The following BHMT2 variants were observed in gnomAD, a reference collection of about 807,000 sequenced individuals.
The protein encoded by BHMT2 is betaine--homocysteine S-methyltransferase 2.
In BHMT2, 28 loss-of-function variants were observed where a neutral mutation model predicts 39.0. The ratio of observed to expected loss-of-function variants is 0.72; its 90% confidence interval spans 0.53 to 0.98. The LOEUF is 0.98. Ranked by LOEUF, BHMT2 falls within the 50% of genes least tolerant of loss-of-function variation. BHMT2 has a pLI of 0.00. For synonymous variants in BHMT2, 145 were observed against 160.6 expected, an observed-to-expected ratio of 0.90 and a Z score of 0.74; for missense variants, 410 against 455.6, an observed-to-expected ratio of 0.90 and a Z score of 0.91.
chr5:79,082,303 C>T (rs569162869), intron 4 of BHMT2: 8 of 153,752 alleles, frequency 5.2e-5, no homozygotes, highest in Admixed American at 5.2e-4. Flanking sequence ...GTGCCTCAAT[C>T]TTCTCACCCG....
chr5:79,080,660 A>G (rs773012136), intron 3 of BHMT2, 27 bp from the exon 4 acceptor site: 29 of 1,557,542 alleles, frequency 1.9e-5, no homozygotes, highest in South Asian at 1.2e-4. Flanking sequence ...TAGGCTCACT[A>G]TCTGAACTCT....
At chr5:79,078,484 C>T (rs1028345668) in intron 2 of BHMT2, among the ~76,000 whole-genome samples, 3 of 152,202 alleles carry the variant, frequency 2.0e-5, no homozygotes, top group Admixed American at 6.5e-5. Context: ...ATTCACACAG[C>T]GTATCAGATA....
intron 1 of BHMT2, among the ~76,000 whole-genome samples, chr5:79,070,609 G>A (rs1199346778): frequency 3.3e-5 from 5 of 152,298 alleles, no homozygotes; most frequent in Non-Finnish European, 5.9e-5. Flanking sequence ...TTCAGAATGG[G>A]AGGAAGGGAG....
At chr5:79,087,232 C>G (rs1435971293) in intron 7 of BHMT2, among the ~76,000 whole-genome samples, 2 of 151,492 alleles carry the variant, frequency 1.3e-5, no homozygotes, top group African/African-American at 4.8e-5. Context: ...TGCAAATTTA[C>G]TTAGGTTGTA....
chr5:79,082,805 T>G lies in BHMT2; in HGVS notation c.451-4T>G, dbSNP rs750765636. ...ACCAGTAGAAAAAGTGACATTTCTC[T>G]TAGTATTTTGAGCACGTTGAAGAAG... On this transcript the variant is annotated splice_polypyrimidine_tract_variant and splice_region_variant and intron_variant, in intron 4 of 7. Transcript: ENST00000255192. 1.2e-6 allele frequency: 2 copies of G among 1,613,558 alleles called. No homozygotes were observed. The highest frequency in any genetic ancestry group is 1.3e-5 in the African/African-American group (1 of 75,050).
intron 3 of BHMT2, among the ~76,000 whole-genome samples, chr5:79,079,986 G>C (rs1755755043): frequency 6.6e-6 from 1 of 152,198 alleles, no homozygotes; most frequent in African/African-American, 2.4e-5. Context: ...ATAAACCATT[G>C]GAAGGGCATG....
chr5:79,073,007 A>G (rs1222304170), intron 1 of BHMT2, among the ~76,000 whole-genome samples: 1 of 135,656 alleles, frequency 7.4e-6, no homozygotes, highest in East Asian at 2.1e-4. Context: ...TCTGTTGCCC[A>G]GGCTGGAATG....
At chr5:79,087,551 A>G (rs1052726241) in intron 7 of BHMT2, among the ~76,000 whole-genome samples, 5 of 152,148 alleles carry the variant, frequency 3.3e-5, no homozygotes, top group Admixed American at 2.6e-4. Flanking sequence ...ACAGAAATTT[A>G]TGATTACACA....
chr5:79,087,399 GT>G (rs1266586128), intron 7 of BHMT2, among the ~76,000 whole-genome samples: 1 of 152,016 alleles, frequency 6.6e-6, no homozygotes, highest in Admixed American at 6.6e-5. Context: ...GATTAAAATA[GT>G]TTAAATAAGT....
chr5:79,089,267 C>T lies in BHMT2; in HGVS notation c.*693C>T, dbSNP rs1047370462. On this transcript the variant is annotated 3_prime_UTR_variant, in exon 8 of 8. Coordinates refer to ENST00000255192, the MANE Select transcript of BHMT2 (RefSeq NM_017614.5). The stretch of plus-strand genomic sequence containing the variant: ...AGCAGTTCAAGACCAGCCTGACCAA[C>T]ATGGTGAAACCCTGTCTCTACCAAA... 3.9e-5 allele frequency: 6 copies of T among 151,992 alleles called. No individual in the cohort carries two copies. Among genetic ancestry groups the T allele is most frequent in the Admixed American group, 3.9e-4 (6 of 15,270 alleles). 9.4% of individuals were successfully genotyped at this position (151,992 alleles called of 1,614,324 possible). A position where few individuals can be genotyped will look rare whatever the true frequency, so the allele number is the denominator to read the frequency against.
At chr5:79,087,014 G>GTGTATATA (rs1329456863) in intron 7 of BHMT2, among the ~76,000 whole-genome samples, 31 of 118,308 alleles carry the variant, frequency 2.6e-4, no homozygotes, top group African/African-American at 9.9e-4. Flanking sequence ...GTGTGTGTGT[G>GTGTATATA]TATATATATA....
intron 2 of BHMT2, among the ~76,000 whole-genome samples, chr5:79,078,861 G>A (rs1346728325): frequency 6.6e-6 from 1 of 152,212 alleles, no homozygotes; most frequent in Non-Finnish European, 1.5e-5. Context: ...GGGCGAAAGT[G>A]GTGAAGGAGA....
intron 1 of BHMT2, among the ~76,000 whole-genome samples, chr5:79,076,149 G>C (rs1755666768): frequency 6.6e-6 from 1 of 152,218 alleles, no homozygotes; most frequent in African/African-American, 2.4e-5. Context: ...TGGGGAGCCA[G>C]AAGGGGGATG....
At chr5:79,077,647 G>A (rs1045667719) in intron 2 of BHMT2, 35 bp downstream of exon 2, 2 of 1,579,750 alleles carry the variant, frequency 1.3e-6, no homozygotes, top group South Asian at 2.3e-5. Context: ...GTCTACCTGA[G>A]TGGTATTTTA....
At chr5:79,079,489 G>A (rs865802448) in intron 3 of BHMT2, 29 bp downstream of exon 3, 1 of 1,505,242 alleles carries the variant, frequency 6.6e-7, no homozygotes, top group Admixed American at 1.7e-5. Context: ...GTGTGGGGGA[G>A]GGAGTCATCT....
At chr5:79,070,075 A>G (rs1755527252) in intron 1 of BHMT2, among the ~76,000 whole-genome samples, 1 of 152,204 alleles carries the variant, frequency 6.6e-6, no homozygotes, top group African/African-American at 2.4e-5. Flanking sequence ...ACAGGTGAGG[A>G]AACTGAGGCT....
chr5:79,083,762 G>A lies in BHMT2; in HGVS notation c.916G>A (p.Ala306Thr). The change falls in exon 7 of 8, where the codon GCC becomes ACC. Residue 306 changes from alanine to threonine, a missense_variant. By Grantham distance (58) the Ala-to-Thr change is moderately conservative (BLOSUM62 0). Coordinates refer to ENST00000255192, the MANE Select transcript of BHMT2 (RefSeq NM_017614.5). ...YHIRAIAEEL[A>T]PERGFLPPAS... ...CATCAGGGCAATTGCAGAGGAGCTG[G>A]CCCCAGAAAGGGGCTTTTTGCCACC... The A allele has an allele frequency of 6.2e-7, 1 of 1,614,126 alleles. No individual in the cohort carries two copies. Among genetic ancestry groups the A allele is most frequent in the Non-Finnish European group, 8.5e-7 (1 of 1,180,022 alleles).
chr5:79,082,154 A>G (rs1265825032), intron 4 of BHMT2, among the ~76,000 whole-genome samples: 2 of 152,206 alleles, frequency 1.3e-5, no homozygotes, highest in Non-Finnish European at 2.9e-5. Flanking sequence ...GCTTTTCTTT[A>G]GTTGCCTTAA....
rs748545629 is a variant in BHMT2 at position 79,077,567 on chromosome 5, G to T, written c.121G>T (p.Ala41Ser). The T allele has an allele frequency of 2.5e-6, 4 of 1,613,988 alleles. No homozygotes were observed. The highest frequency in any genetic ancestry group is 1.1e-5 in the South Asian group (1 of 91,058). Reference protein sequence around the residue: ...ITLEKRGYVKAGLWTPEAVIE... With the variant: ...ITLEKRGYVKSGLWTPEAVIE... ...TCTGGAGAAGAGAGGCTATGTGAAG[G>T]CTGGGCTCTGGACTCCAGAGGCAGT... is the stretch of plus-strand genomic sequence containing the variant. Residue 41 changes from alanine to serine, a missense_variant, in exon 2 of 8, where the codon GCT becomes TCT. Transcript: ENST00000255192.
Sources: allele counts gnomAD v4.1 joint callset (sites outside exome capture counted in the v4.1 genomes callset), GRCh38; gene constraint gnomAD v4.1.1; transcripts MANE v1.5; gene names NCBI Gene and HGNC (gene_info 2026-07-23, HGNC 2026-07-21).